ANK2: variants seen among roughly 807,000 people sequenced by gnomAD.
ANK2 encodes ankyrin-2.
In ANK2, 83 loss-of-function variants were observed where a neutral mutation model predicts 360.5. The ratio of observed to expected loss-of-function variants is 0.23; its 90% CI spans 0.19 to 0.28. ANK2 has a LOEUF of 0.28. Among genes scored for constraint, ANK2 ranks in the 10% least tolerant of loss-of-function variants. The probability of loss-of-function intolerance (pLI) is 1.00; values close to 1 mark genes in which losing one functional copy is unlikely to be tolerated. For synonymous variants in ANK2, 1,740 were observed against 1,759.5 expected, an observed-to-expected ratio of 0.99 and a Z score of 0.28; for missense variants, 4,201 against 4,795.7, an observed-to-expected ratio of 0.88 and a Z score of 3.66.
Position 112,904,454 on chromosome 4 carries a change from G to T in ANK2, c.-39-1G>T. 1 of 1,425,466 alleles carries T rather than the reference G, an allele frequency of 7.0e-7. No individual in the cohort carries two copies. Among genetic ancestry groups the T allele is most frequent in the Non-Finnish European group, 9.5e-7 (1 of 1,050,624 alleles). The allele number at this position is 1,425,466 out of a possible 1,614,324, so 88.3% of individuals were successfully genotyped here. On this transcript the variant is annotated splice_acceptor_variant, in intron 1 of 30. Coordinates refer to the ANK2 transcript ENST00000503271. LOFTEE classifies it low-confidence loss of function (5UTR_SPLICE). ...ATATTTTCTCTTTTTTATCCTTTTA[G>T]GTAAGTAATGAAAAGAGACATGAAG...
intron 29 of ANK2, 63 bp from the exon 30 acceptor site, chr4:113,335,783 C>T (rs2153956898): frequency 6.6e-7 from 1 of 1,513,668 alleles, no homozygotes; most frequent in Non-Finnish European, 9.2e-7. Context: ...AATGAGTTGG[C>T]TAGAATGCTG....
chr4:113,125,046 T>A (rs1483312690), intron 1 of ANK2, among the ~76,000 whole-genome samples: 4 of 152,242 alleles, frequency 2.6e-5, no homozygotes, highest in Non-Finnish European at 5.9e-5. Flanking sequence ...AGACTAATGG[T>A]GTTATTTCAC....
At chr4:113,304,548 T>C (rs1336243014) in intron 23 of ANK2, among the ~76,000 whole-genome samples, 1 of 152,196 alleles carries the variant, frequency 6.6e-6, no homozygotes, top group Non-Finnish European at 1.5e-5. Flanking sequence ...CTAATGAACA[T>C]TATATAAATA....
intron 1 of ANK2, among the ~76,000 whole-genome samples, chr4:112,832,324 A>C (rs1217662572): frequency 6.6e-6 from 1 of 152,208 alleles, no homozygotes; most frequent in Non-Finnish European, 1.5e-5. Flanking sequence ...AAGTGCTGTC[A>C]TTACAGGCAT....
chr4:112,738,850 A>G, the ANK2 span: 5 of 645,246 alleles, frequency 7.7e-6, no homozygotes, highest in Non-Finnish European at 1.4e-5. Context: ...AACATTGGTT[A>G]TGGGAGCAAC....
chr4:112,827,148 C>G (rs367946304), intron 1 of ANK2: 6 of 1,159,454 alleles, frequency 5.2e-6, no homozygotes, highest in Non-Finnish European at 7.8e-6. Flanking sequence ...TGACTACTTA[C>G]AAGGCAAGTG....
chr4:113,173,313 C>T (rs1414903389), intron 1 of ANK2, among the ~76,000 whole-genome samples: 3 of 152,128 alleles, frequency 2.0e-5, no homozygotes, highest in Non-Finnish European at 4.4e-5. Flanking sequence ...TAATAAATAG[C>T]TCTGACCGAG....
intron 30 of ANK2, 170 bp from the exon 31 acceptor site, chr4:113,336,407 A>T (rs1313597509): frequency 1.5e-6 from 1 of 670,212 alleles, no homozygotes; most frequent in African/African-American, 1.8e-5. Flanking sequence ...AAATTTTATG[A>T]GTGCTTAGTA....
Position 113,237,175 on chromosome 4 carries a change from A to C in ANK2, c.669+3A>C. Reference sequence around the variant, plus strand: ...ACAATGCTGACGTACAATCCAAGGTACTTAAAGCTGAACACATTTGTGGAA... The same window carrying C: ...ACAATGCTGACGTACAATCCAAGGTCCTTAAAGCTGAACACATTTGTGGAA... On this transcript the variant is annotated splice_donor_region_variant and intron_variant, in intron 6 of 45. Transcript: ENST00000357077. The C allele has an allele frequency of 1.2e-6, 2 of 1,613,232 alleles. No individual in the cohort carries two copies. The highest frequency in any genetic ancestry group is 1.7e-6 in the Non-Finnish European group (2 of 1,179,330).
chr4:112,993,674 C>T (rs2047611950), intron 2 of ANK2, among the ~76,000 whole-genome samples: 1 of 150,526 alleles, frequency 6.6e-6, no homozygotes, highest in Admixed American at 6.7e-5. Context: ...AAAAGGAAGG[C>T]TTCAGGTGCA....
chr4:112,732,562 C>T, the ANK2 span, among the ~76,000 whole-genome samples: 3 of 152,126 alleles, frequency 2.0e-5, no homozygotes, highest in Admixed American at 6.6e-5. Context: ...TTAATTGTAG[C>T]AGTCAGGTTC....
rs150162611 is a variant in ANK2 at position 113,245,335 on chromosome 4, G to A, written c.891+3126G>A. On this transcript the variant is annotated intron_variant, in intron 9 of 45. Transcript: ENST00000357077. ...TTGCTTTTTCTTTTGCTTTTGAAAT[G>A]TATTCAAAAATAGAAAAATGTTTAT... Among the ~76,000 whole-genome samples the A allele has an allele frequency of 3.1e-4, 47 of 152,292 alleles. No homozygotes were observed. The East Asian group carries it at 8.7e-3, about 28-fold the overall frequency.
intron 1 of ANK2, among the ~76,000 whole-genome samples, chr4:112,864,374 A>T (rs2069383652): frequency 6.6e-6 from 1 of 152,102 alleles, no homozygotes; most frequent in South Asian, 2.1e-4. Flanking sequence ...CAATGGCATG[A>T]TCTCAGCTCT....
intron 2 of ANK2, among the ~76,000 whole-genome samples, chr4:113,010,828 G>T (rs775714299): frequency 6.6e-6 from 1 of 152,030 alleles, no homozygotes. Flanking sequence ...AACTCTTGTG[G>T]TAATAGATAG....
chr4:113,314,465 A>T (rs768893118), intron 24 of ANK2, among the ~76,000 whole-genome samples: 1 of 152,200 alleles, frequency 6.6e-6, no homozygotes, highest in Non-Finnish European at 1.5e-5. Flanking sequence ...GACCATAACA[A>T]AACCCCTAGT....
intron 1 of ANK2, among the ~76,000 whole-genome samples, chr4:112,856,643 G>T (rs537355407): frequency 6.6e-5 from 10 of 152,102 alleles, no homozygotes; most frequent in African/African-American, 1.7e-4. Flanking sequence ...CAGGAGAATC[G>T]CTTGAACCCA....
the ANK2 span, among the ~76,000 whole-genome samples, chr4:112,748,831 T>TAA: frequency 0.02 from 3,048 of 152,318 alleles, 106 homozygotes; most frequent in African/African-American, 0.07. Context: ...TTCAACTTAG[T>TAA]AAACAGCAGC....
chr4:113,203,038 C>T (rs2153422530), intron 4 of ANK2, among the ~76,000 whole-genome samples: 1 of 152,178 alleles, frequency 6.6e-6, no homozygotes, highest in South Asian at 2.1e-4. Flanking sequence ...GAGGTCTCAT[C>T]CATGGTGCCG....
intron 1 of ANK2, among the ~76,000 whole-genome samples, chr4:113,143,791 G>A (rs1039612370): frequency 6.6e-6 from 1 of 152,118 alleles, no homozygotes; most frequent in Non-Finnish European, 1.5e-5. Flanking sequence ...CTTAGTAAAA[G>A]AATTTATAAG....
Sources: allele counts gnomAD v4.1 joint callset (sites outside exome capture counted in the v4.1 genomes callset), GRCh38; gene constraint gnomAD v4.1.1; transcripts MANE v1.5; gene names NCBI Gene and HGNC (gene_info 2026-07-23, HGNC 2026-07-21).